The following EVC2 variants were observed in gnomAD, a reference collection of about 807,000 sequenced individuals.
The protein encoded by EVC2 is limbin.
A neutral mutation model predicts 149.3 loss-of-function variants in EVC2; 148 were observed. That is an observed-to-expected ratio of 0.99 (90% CI 0.87 to 1.14). The LOEUF is 1.14. Among genes scored for constraint, EVC2 ranks in the 50% most tolerant of loss-of-function variants. The probability of loss-of-function intolerance (pLI) is 0.00; values close to 1 mark genes in which losing one functional copy is unlikely to be tolerated. For missense variants in EVC2, 1,854 were observed against 1,627.3 expected (o/e 1.14, Z -2.40); for synonymous variants, 776 against 649.9 (o/e 1.19, Z -2.95).
intron 1 of EVC2, among the ~76,000 whole-genome samples, chr4:5,700,067 G>A (rs1442005293): frequency 2.0e-5 from 3 of 152,174 alleles, no homozygotes; most frequent in Non-Finnish European, 4.4e-5. Flanking sequence ...TTGAACCCAG[G>A]AGGCAGAGGT....
At chr4:5,644,234 G>T (rs1717544782) in intron 9 of EVC2, among the ~76,000 whole-genome samples, 1 of 152,010 alleles carries the variant, frequency 6.6e-6, no homozygotes, top group South Asian at 2.1e-4. Context: ...CATTCAATTT[G>T]TTTTCCTTCT....
At chr4:5,600,201 G>T (rs1043849489) in intron 16 of EVC2, among the ~76,000 whole-genome samples, 2 of 152,148 alleles carry the variant, frequency 1.3e-5, no homozygotes, top group African/African-American at 4.8e-5. Flanking sequence ...AGTTTTTCCA[G>T]TGAAAAGGAA....
chr4:5,640,056 T>C lies in EVC2; in HGVS notation c.1470+458A>G, dbSNP rs1207642082. Among the ~76,000 whole-genome samples, 3 of 151,850 alleles carry C rather than the reference T, an allele frequency of 2.0e-5. No homozygotes were observed. Among genetic ancestry groups the C allele is most frequent in the Non-Finnish European group, 2.9e-5 (2 of 67,970 alleles). ...ATGGGCAGATGGGTGGACGGGTAGA[T>C]GGAGGGGAAGCATGGGTGAATGGGT... On this transcript the variant is annotated intron_variant, in intron 10 of 21. Transcript: ENST00000344408. The surrounding 1 kb of genome is among the most constrained non-coding windows in gnomAD (Gnocchi z 4.6).
intron 9 of EVC2, among the ~76,000 whole-genome samples, chr4:5,646,924 T>C: frequency 6.6e-6 from 1 of 152,214 alleles, no homozygotes; most frequent in East Asian, 1.9e-4. Context: ...TGCCATACTT[T>C]GTACCTCCCT....
chr4:5,700,546 G>A (rs1324196861), intron 1 of EVC2, among the ~76,000 whole-genome samples: 3 of 152,160 alleles, frequency 2.0e-5, no homozygotes, highest in East Asian at 1.9e-4. Context: ...CACTCAGGAG[G>A]AAGGGGCAGG....
chr4:5,602,901 C>T (rs902326163), intron 16 of EVC2, among the ~76,000 whole-genome samples: 1 of 152,078 alleles, frequency 6.6e-6, no homozygotes, highest in Non-Finnish European at 1.5e-5. Flanking sequence ...GAGGTAAGCA[C>T]CAAAAGACCA....
chr4:5,578,360 G>T (rs957624410), intron 17 of EVC2, among the ~76,000 whole-genome samples: 1 of 152,190 alleles, frequency 6.6e-6, no homozygotes, highest in African/African-American at 2.4e-5. Flanking sequence ...GTGCCAGATT[G>T]TATCAGCAGA....
intron 1 of EVC2, 112 bp downstream of exon 1, chr4:5,708,174 C>G: frequency 1.0e-6 from 1 of 953,944 alleles, no homozygotes; most frequent in South Asian, 2.2e-5. Flanking sequence ...TCAGATCCTG[C>G]CCTCCCTTCC....
intron 21 of EVC2, among the ~76,000 whole-genome samples, chr4:5,556,971 C>T (rs1158823754): frequency 6.6e-6 from 1 of 152,118 alleles, no homozygotes; most frequent in Admixed American, 6.5e-5. Context: ...AGACTCAGAT[C>T]ATTTTACTGG....
At chr4:5,707,896 G>A (rs1451213660) in intron 1 of EVC2, among the ~76,000 whole-genome samples, 1 of 152,136 alleles carries the variant, frequency 6.6e-6, no homozygotes, top group African/African-American at 2.4e-5. Flanking sequence ...GCTGGCCTCT[G>A]CAAGGGGCTC....
At chr4:5,706,381 CATAGATAGATACATAG>C (rs1722168564) in intron 1 of EVC2, among the ~76,000 whole-genome samples, 14 of 7,382 alleles carry the variant, frequency 1.9e-3, no homozygotes, top group South Asian at 4.2e-3. Flanking sequence ...TAGATAGATA[CATAGATAGATACATAG>C]ATAGATAGAT....
At chr4:5,538,550 C>A (rs1226769823), downstream of EVC2, among the ~76,000 whole-genome samples, 1 of 152,072 alleles carries the variant, frequency 6.6e-6, no homozygotes, top group Non-Finnish European at 1.5e-5. Context: ...TCCTCGTGAA[C>A]TTAGACGCAA....
chr4:5,640,513 C>T lies in EVC2; in HGVS notation c.1470+1G>A. On this transcript the variant is annotated splice_donor_variant, in intron 10 of 21. Transcript: ENST00000344408. LOFTEE classifies it high-confidence loss of function. This position sits in a 1 kb window ranked among gnomAD's most constrained non-coding sequence, Gnocchi z 4.6. ...ACGCCTTCCTTTCAGACCTGTCTTA[C>T]CCTCTCACCAGCACGTTTCAGCAAC... is the stretch of plus-strand genomic sequence containing the variant. 2 of 1,614,056 alleles carry T rather than the reference C, an allele frequency of 1.2e-6. No homozygotes were observed. Among genetic ancestry groups the T allele is most frequent in the Middle Eastern group, 3.3e-4 (2 of 6,062 alleles).
chr4:5,568,697 A>AT, intron 19 of EVC2, 57 bp from the exon 20 acceptor site: 1 of 1,527,928 alleles, frequency 6.5e-7, no homozygotes, highest in Non-Finnish European at 8.9e-7. Context: ...TTGAACCATC[A>AT]TTTTTAATTT....
chr4:5,536,965 T>G, the EVC2 span, among the ~76,000 whole-genome samples: 1 of 152,112 alleles, frequency 6.6e-6, no homozygotes, highest in Non-Finnish European at 1.5e-5. Flanking sequence ...GAAAGGTAAA[T>G]TAAAAGTAGT....
intron 1 of EVC2, among the ~76,000 whole-genome samples, chr4:5,705,792 A>C (rs1416828806): frequency 6.6e-6 from 1 of 152,056 alleles, no homozygotes; most frequent in Admixed American, 6.5e-5. Flanking sequence ...TTACTGTGAA[A>C]ATAGCTGTGA....
Position 5,640,673 on chromosome 4 carries a change from T to C in EVC2, c.1311A>G (p.Leu437=), listed in dbSNP as rs77131452. ...KMSAVFKKQF[L]LLENEIQEEY... The stretch of plus-strand genomic sequence containing the variant: ...CCTCTTGTATTTCATTTTCCAGCAA[T>C]AGAAACTGCTTTTTGAAAACAGCAC... The change falls in exon 10 of 22, where the codon CTA becomes CTG. Residue 437 remains leucine, a synonymous_variant. Transcript: ENST00000344408. The surrounding 1 kb of genome is among the most constrained non-coding windows in gnomAD (Gnocchi z 4.6). 1.7e-3 allele frequency: 2,667 copies of C among 1,614,126 alleles called. 33 individuals carry two copies. The African/African-American group carries it at 0.027, about 16-fold the overall frequency.
intron 16 of EVC2, among the ~76,000 whole-genome samples, chr4:5,589,574 T>C (rs896477205): frequency 1.3e-5 from 2 of 152,176 alleles, no homozygotes; most frequent in African/African-American, 4.8e-5. Context: ...GGGTCTACCC[T>C]AGTAGACCTG....
chr4:5,535,930 C>T, the EVC2 span, among the ~76,000 whole-genome samples: 1 of 152,080 alleles, frequency 6.6e-6, no homozygotes, highest in South Asian at 2.1e-4. This position sits in a 1 kb window ranked among gnomAD's most constrained non-coding sequence, Gnocchi z 4.7. Context: ...ACACCTGTCT[C>T]CTACACAGTG....
Sources: gnomAD v4.1 joint callset for allele counts (sites outside exome capture counted in the v4.1 genomes callset) on GRCh38, gnomAD v4.1.1 for gene constraint, Gnocchi (gnomAD v3.1) non-coding constraint, MANE v1.5 for transcripts, NCBI Gene and HGNC (gene_info 2026-07-23, HGNC 2026-07-21) for gene names.